Variants in THSD7A observed in about 807,000 individuals in gnomAD.
The protein encoded by THSD7A is thrombospondin type-1 domain-containing protein 7A.
A neutral mutation model predicts 231.3 loss-of-function variants in THSD7A; 96 were observed. The observed-to-expected ratio is 0.41, with a 90% confidence interval of 0.35 to 0.49. THSD7A has a LOEUF of 0.49. Among genes scored for constraint, THSD7A ranks in the 20% least tolerant of loss-of-function variants. The pLI is 0.05. For missense variants in THSD7A, 2,290 were observed against 2,070.2 expected (o/e 1.11, Z -2.06); for synonymous variants, 940 against 743.3 (o/e 1.26, Z -4.30).
At chr7:11,443,638 A>C (rs911679441) in intron 13 of THSD7A, among the ~76,000 whole-genome samples, 1 of 151,986 alleles carries the variant, frequency 6.6e-6, no homozygotes, top group Non-Finnish European at 1.5e-5. Flanking sequence ...AAATATACAC[A>C]ATAAAATTTA....
At chr7:11,597,637 C>A (rs546950349) in intron 2 of THSD7A, among the ~76,000 whole-genome samples, 1 of 152,172 alleles carries the variant, frequency 6.6e-6, no homozygotes, top group South Asian at 2.1e-4. Flanking sequence ...TTTTGAGAGA[C>A]AGCTCTTGGC....
intron 4 of THSD7A, among the ~76,000 whole-genome samples, chr7:11,576,769 A>G (rs574843249): frequency 2.6e-5 from 4 of 152,342 alleles, no homozygotes; most frequent in Non-Finnish European, 4.4e-5. Flanking sequence ...GTTGGCTCCT[A>G]TAAAGGGCTT....
At chr7:11,679,939 C>A (rs928516974) in intron 1 of THSD7A, among the ~76,000 whole-genome samples, 1 of 152,210 alleles carries the variant, frequency 6.6e-6, no homozygotes, top group East Asian at 1.9e-4. Flanking sequence ...TACCTGACTT[C>A]AAACTATACT....
intron 1 of THSD7A, among the ~76,000 whole-genome samples, chr7:11,754,603 G>T (rs997647414): frequency 6.6e-6 from 1 of 152,052 alleles, no homozygotes; most frequent in African/African-American, 2.4e-5. Context: ...TTTAGGTCAT[G>T]CAATTATTCC....
intron 1 of THSD7A, among the ~76,000 whole-genome samples, chr7:11,823,254 G>A (rs1554282521): frequency 6.6e-6 from 1 of 152,018 alleles, no homozygotes; most frequent in Non-Finnish European, 1.5e-5. Flanking sequence ...TCAAAGATCA[G>A]TTGGTTTAAA....
intron 13 of THSD7A, among the ~76,000 whole-genome samples, chr7:11,434,632 A>G (rs1784575828): frequency 6.6e-6 from 1 of 152,102 alleles, no homozygotes; most frequent in Admixed American, 6.6e-5. Context: ...AAACATCTGG[A>G]TTAATTTCAA....
At chr7:11,688,420 C>A (rs1271094701) in intron 1 of THSD7A, among the ~76,000 whole-genome samples, 2 of 151,758 alleles carry the variant, frequency 1.3e-5, no homozygotes, top group African/African-American at 4.8e-5. Flanking sequence ...AAAACTCAAT[C>A]GCTTATAGCC....
intron 1 of THSD7A, among the ~76,000 whole-genome samples, chr7:11,664,436 C>G (rs1032405501): frequency 2.0e-5 from 3 of 151,826 alleles, no homozygotes; most frequent in Non-Finnish European, 2.9e-5. Context: ...GAGAACATAC[C>G]TCATAGGGAT....
At chr7:11,795,624 T>C (rs1292829737) in intron 1 of THSD7A, among the ~76,000 whole-genome samples, 4 of 152,022 alleles carry the variant, frequency 2.6e-5, no homozygotes, top group Non-Finnish European at 5.9e-5. Context: ...TTCAAACATA[T>C]ATTCTATTAC....
In THSD7A at chr7:11,636,727, T is replaced by C. The variant is rs746254990; in HGVS notation, c.425A>G (p.Lys142Arg). 5 of 1,613,814 alleles carry C rather than the reference T, an allele frequency of 3.1e-6. No homozygotes were observed. Among genetic ancestry groups the C allele is most frequent in the Non-Finnish European group, 4.2e-6 (5 of 1,179,872 alleles). The change falls in exon 2 of 28, where the codon AAA (lysine) becomes AGA (arginine). Residue 142 changes from lysine to arginine, a missense_variant. Transcript: ENST00000423059. This position sits in a 1 kb window ranked among gnomAD's most constrained non-coding sequence, Gnocchi z 10.0. ...CQPVISKSLEKPLECIKGEEG... is the reference protein window; with the variant it reads ...CQPVISKSLERPLECIKGEEG... ...TTCCCCCTTAATGCACTCAAGAGGT[T>C]TCTCTAGGCTTTTTGAAATCACGGG...
chr7:11,642,074 G>A (rs911791492), intron 1 of THSD7A, among the ~76,000 whole-genome samples: 3 of 152,150 alleles, frequency 2.0e-5, no homozygotes, highest in Admixed American at 1.3e-4. Context: ...CATGTTTCAA[G>A]GGGTGCAAAT....
chr7:11,546,204 T>TGCGCACACACACACACACACACACA (rs1562706169), intron 4 of THSD7A, among the ~76,000 whole-genome samples: 1 of 140,266 alleles, frequency 7.1e-6, no homozygotes, highest in South Asian at 2.4e-4. Context: ...GGGCGCGCGC[T>TGCGCACACACACACACACACACACA]CACACACACA....
At chr7:11,746,978 T>A (rs1019378986) in intron 1 of THSD7A, among the ~76,000 whole-genome samples, 1 of 151,902 alleles carries the variant, frequency 6.6e-6, no homozygotes, top group African/African-American at 2.4e-5. Flanking sequence ...TTCACTCACA[T>A]GTGAGCATAT....
At chr7:11,795,102 G>A (rs1255373507) in intron 1 of THSD7A, among the ~76,000 whole-genome samples, 3 of 151,928 alleles carry the variant, frequency 2.0e-5, no homozygotes, top group South Asian at 4.2e-4. Context: ...TTAACAGAAC[G>A]TCACAGGGGT....
intron 27 of THSD7A, among the ~76,000 whole-genome samples, chr7:11,376,202 A>G (rs1782265692): frequency 6.6e-6 from 1 of 152,120 alleles, no homozygotes; most frequent in Non-Finnish European, 1.5e-5. Flanking sequence ...TAAATAATGC[A>G]TAATTTATAA....
At position 11,499,355 on chromosome 7, in the gene THSD7A, CA is replaced by C. The variant is rs200777497; in HGVS notation, c.1823-17374del. ...GTCAAGCAAATGACTTGACCACAAC[CA>C]CTAATAAGATGTCTTCCTCTGTTGC... On this transcript the variant is annotated intron_variant, in intron 6 of 27. Transcript: ENST00000423059. Among the ~76,000 whole-genome samples, 1,440 of 152,306 alleles carry C rather than the reference CA, an allele frequency of 9.5e-3. 75 individuals carry two copies. The highest frequency in any genetic ancestry group is 0.082 in the Admixed American group (1,260 of 15,302).
intron 1 of THSD7A, among the ~76,000 whole-genome samples, chr7:11,826,812 CAAAAAAAA>C (rs3037773): frequency 8.3e-6 from 1 of 120,792 alleles, no homozygotes; most frequent in Non-Finnish European, 1.7e-5. Flanking sequence ...GCCTCTGTCT[CAAAAAAAA>C]AAAAAAAAAA....
intron 4 of THSD7A, among the ~76,000 whole-genome samples, chr7:11,587,565 C>A (rs925312609): frequency 1.3e-5 from 2 of 152,098 alleles, no homozygotes; most frequent in African/African-American, 4.8e-5. Flanking sequence ...TGATATAATT[C>A]TACTGACACA....
intron 13 of THSD7A, among the ~76,000 whole-genome samples, chr7:11,432,582 GCTAGC>G (rs1784511103): frequency 6.6e-6 from 1 of 151,976 alleles, no homozygotes; most frequent in Non-Finnish European, 1.5e-5. Context: ...ATCCATTTGT[GCTAGC>G]CTTTTCACTC....
Sources: gnomAD v4.1 joint callset for allele counts (sites outside exome capture counted in the v4.1 genomes callset) on GRCh38, gnomAD v4.1.1 for gene constraint, Gnocchi (gnomAD v3.1) non-coding constraint, MANE v1.5 for transcripts, NCBI Gene and HGNC (gene_info 2026-07-23, HGNC 2026-07-21) for gene names.